SNX29: variants seen among roughly 807,000 people sequenced by gnomAD.
The protein encoded by SNX29 is sorting nexin 29, also known as sorting nexin-29.
A neutral mutation model predicts 102.1 loss-of-function variants in SNX29; 78 were observed. The ratio of observed to expected loss-of-function variants is 0.76; its 90% CI spans 0.64 to 0.92. SNX29 has a LOEUF of 0.92. Ranked by LOEUF, SNX29 falls within the 40% of genes least tolerant of loss-of-function variation. The pLI is 0.00. For synonymous variants in SNX29, 580 were observed against 414.5 expected, an observed-to-expected ratio of 1.40 and a Z score of -4.85; for missense variants, 1,280 against 1,061.7, an observed-to-expected ratio of 1.21 and a Z score of -2.86.
chr16:12,540,234 A>ACCCGCTC (rs2077267973), intron 20 of SNX29, among the ~76,000 whole-genome samples: 1 of 151,604 alleles, frequency 6.6e-6, no homozygotes, highest in African/African-American at 2.4e-5. Context: ...CCTGTGGCTG[A>ACCCGCTC]CCCGCTCCCC....
intron 15 of SNX29, among the ~76,000 whole-genome samples, chr16:12,322,559 T>C (rs946354716): frequency 2.0e-5 from 3 of 152,196 alleles, no homozygotes; most frequent in Admixed American, 6.5e-5. Context: ...CAGGAACTTA[T>C]TAAAGATGAT....
intron 11 of SNX29, among the ~76,000 whole-genome samples, chr16:12,118,611 C>T (rs565210453): frequency 4.6e-5 from 7 of 151,942 alleles, no homozygotes; most frequent in Non-Finnish European, 7.4e-5. Flanking sequence ...CCACCGTGCC[C>T]GCCCTAGAGA....
intron 13 of SNX29, among the ~76,000 whole-genome samples, chr16:12,135,305 C>G (rs1027475222): frequency 3.9e-5 from 6 of 152,234 alleles, no homozygotes; most frequent in African/African-American, 1.4e-4. Context: ...CCATCACACT[C>G]CCCCAATTTT....
intron 13 of SNX29, among the ~76,000 whole-genome samples, chr16:12,136,732 T>TTTGTTGTTG (rs113304194): frequency 1.4e-4 from 21 of 151,334 alleles, no homozygotes; most frequent in African/African-American, 4.9e-4. Flanking sequence ...AGGAAAGGTT[T>TTTGTTGTTG]TTGTTGTTAT....
intron 5 of SNX29, among the ~76,000 whole-genome samples, chr16:12,044,576 T>G (rs1026488272): frequency 6.6e-6 from 1 of 152,066 alleles, no homozygotes; most frequent in Non-Finnish European, 1.5e-5. Context: ...CACACTCCTG[T>G]TTCTTTCTTT....
At chr16:12,408,181 A>AAAAAAC (rs1567533279) in intron 18 of SNX29, among the ~76,000 whole-genome samples, 6 of 148,752 alleles carry the variant, frequency 4.0e-5, no homozygotes, top group African/African-American at 1.5e-4. Context: ...AACAAACAAA[A>AAAAAAC]AAAAAACTAG....
chr16:12,571,732 A>G lies in SNX29; in HGVS notation c.*3103A>G, dbSNP rs757788073. ...TAAGGGAGGGAGCTTAAAGGCTGCT[A>G]GAAACCTAGCCCAACCATCCACTCC... On this transcript the variant is annotated 3_prime_UTR_variant, in exon 21 of 21. Transcript: ENST00000566228. 7.2e-5 allele frequency: 75 copies of G among 1,043,324 alleles called. No individual in the cohort carries two copies. Among genetic ancestry groups the G allele is most frequent in the Middle Eastern group, 4.2e-4 (1 of 2,366 alleles). 64.6% of individuals were successfully genotyped at this position (1,043,324 alleles called of 1,614,324 possible). A position where few individuals can be genotyped will look rare whatever the true frequency, so the allele number is the denominator to read the frequency against.
chr16:12,362,705 G>A (rs1356067294), intron 16 of SNX29, among the ~76,000 whole-genome samples: 4 of 151,664 alleles, frequency 2.6e-5, no homozygotes, highest in Non-Finnish European at 5.9e-5. Flanking sequence ...TCAGCTCAAC[G>A]CTTCCTCAGG....
intron 9 of SNX29, among the ~76,000 whole-genome samples, chr16:12,065,241 G>A (rs1252951684): frequency 6.6e-6 from 1 of 152,150 alleles, no homozygotes; most frequent in African/African-American, 2.4e-5. Flanking sequence ...ATGAGGACTG[G>A]GGACCATGCG....
At chr16:12,170,409 T>C (rs1362031159) in intron 13 of SNX29, among the ~76,000 whole-genome samples, 2 of 151,910 alleles carry the variant, frequency 1.3e-5, no homozygotes, top group African/African-American at 2.4e-5. Flanking sequence ...CAAAGCCAGC[T>C]CTGGGTCTCC....
chr16:12,461,361 G>A (rs2086768596), intron 18 of SNX29, among the ~76,000 whole-genome samples: 1 of 152,152 alleles, frequency 6.6e-6, no homozygotes, highest in Non-Finnish European at 1.5e-5. Flanking sequence ...AGGTGGTTTT[G>A]CTGCTTCTAT....
At chr16:12,556,915 T>C (rs532911337) in intron 20 of SNX29, among the ~76,000 whole-genome samples, 26 of 142,022 alleles carry the variant, frequency 1.8e-4, no homozygotes, top group Non-Finnish European at 2.6e-4. Flanking sequence ...TGTAGTGGCA[T>C]GATCTCGGCT....
At chr16:12,270,059 C>G (rs916343499) in intron 14 of SNX29, among the ~76,000 whole-genome samples, 1 of 152,064 alleles carries the variant, frequency 6.6e-6, no homozygotes, top group Non-Finnish European at 1.5e-5. Context: ...TGGGGTTTCA[C>G]CATGTTGGCC....
intron 13 of SNX29, among the ~76,000 whole-genome samples, chr16:12,197,973 C>G (rs2076819866): frequency 6.6e-6 from 1 of 152,046 alleles, no homozygotes; most frequent in Admixed American, 6.6e-5. Flanking sequence ...CAGGGATGAG[C>G]AGTCTCAAGT....
intron 13 of SNX29, among the ~76,000 whole-genome samples, chr16:12,177,915 G>A (rs1476228941): frequency 6.6e-6 from 1 of 152,172 alleles, no homozygotes; most frequent in Non-Finnish European, 1.5e-5. Context: ...AACACTCTGT[G>A]CCTAGATATG....
intron 10 of SNX29, 141 bp downstream of exon 10, chr16:12,069,273 T>A (rs1301662359): frequency 1.4e-6 from 1 of 711,200 alleles, no homozygotes; most frequent in Non-Finnish European, 2.2e-6. Flanking sequence ...TCAGATTTAG[T>A]CTTTTTTTTT....
At position 12,570,338 on chromosome 16, in the gene SNX29, C is replaced by G. The variant is rs1443658937; in HGVS notation, c.*1709C>G. ...CTGTAAAGGCAACTTGGTCTCCCTC[C>G]CACTCACCTGCCAACATTGCTGCAA... On this transcript the variant is annotated 3_prime_UTR_variant, in exon 21 of 21. Transcript: ENST00000566228. 1.4e-6 allele frequency: 1 copy of G among 737,594 alleles called. No homozygotes were observed. The highest frequency in any genetic ancestry group is 1.8e-5 in the African/African-American group (1 of 54,654). The allele number at this position is 737,594 out of a possible 1,614,324, so 45.7% of individuals were successfully genotyped here.
intron 16 of SNX29, among the ~76,000 whole-genome samples, chr16:12,386,344 A>G (rs772362468): frequency 6.6e-6 from 1 of 152,186 alleles, no homozygotes; most frequent in Non-Finnish European, 1.5e-5. Flanking sequence ...ATCTCATTGA[A>G]TCCTTACAAC....
chr16:12,047,334 T>C (rs573062799), intron 6 of SNX29, among the ~76,000 whole-genome samples: 2 of 152,306 alleles, frequency 1.3e-5, no homozygotes, highest in African/African-American at 4.8e-5. Context: ...CTTTCCAAGT[T>C]TTTTGTTGCC....
Sources: gnomAD v4.1 joint callset for allele counts (sites outside exome capture counted in the v4.1 genomes callset) on GRCh38, gnomAD v4.1.1 for gene constraint, MANE v1.5 for transcripts, NCBI Gene and HGNC (gene_info 2026-07-23, HGNC 2026-07-21) for gene names.